The following NFU1 variants were observed in gnomAD, a reference collection of about 807,000 sequenced individuals.
NFU1 encodes the protein NFU1 iron-sulfur cluster scaffold, also known as NFU1 iron-sulfur cluster scaffold homolog, mitochondrial.
NFU1 carries 30 observed loss-of-function variants against 32.2 expected under a neutral mutation model. The observed-to-expected ratio is 0.93, with a 90% CI of 0.70 to 1.26. The LOEUF (loss-of-function observed/expected upper bound fraction) is 1.26. Among genes scored for constraint, NFU1 ranks in the 50% most tolerant of loss-of-function variants. The pLI is 0.00. For synonymous variants in NFU1, 112 were observed against 104.6 expected (o/e 1.07, Z -0.43); for missense variants, 306 against 306.6 (o/e 1.00, Z 0.02).
intron 5 of NFU1, among the ~76,000 whole-genome samples, chr2:69,411,841 C>A (rs967098219): frequency 5.9e-5 from 9 of 152,138 alleles, no homozygotes; most frequent in Non-Finnish European, 2.9e-5. Context: ...CAATCTGCTG[C>A]CTTCACCTCC....
At chr2:69,415,568 C>G (rs1673022822) in intron 4 of NFU1, among the ~76,000 whole-genome samples, 1 of 151,982 alleles carries the variant, frequency 6.6e-6, no homozygotes, top group Non-Finnish European at 1.5e-5. Flanking sequence ...TATCTTATTC[C>G]TATAATGAAA....
intron 6 of NFU1, 77 bp downstream of exon 6, chr2:69,405,945 G>A: frequency 1.1e-6 from 1 of 906,018 alleles, no homozygotes; most frequent in East Asian, 2.4e-5. Context: ...ATAATCTCAT[G>A]GCCAACTAAA....
intron 4 of NFU1, among the ~76,000 whole-genome samples, chr2:69,418,623 T>C (rs938464477): frequency 3.9e-5 from 6 of 151,994 alleles, no homozygotes; most frequent in Non-Finnish European, 7.4e-5. Context: ...CCCGCCACCA[T>C]GCCCGGCTAC....
intron 6 of NFU1, among the ~76,000 whole-genome samples, chr2:69,404,568 T>C (rs192270784): frequency 6.7e-6 from 1 of 149,104 alleles, no homozygotes; most frequent in East Asian, 2.0e-4. Context: ...TTACCTCGCA[T>C]ACTTATTTTT....
chr2:69,438,663 C>A (rs965101576), upstream of NFU1, among the ~76,000 whole-genome samples: 5 of 152,140 alleles, frequency 3.3e-5, no homozygotes, highest in Non-Finnish European at 5.9e-5. Context: ...AAACAGCACA[C>A]CTGTTGTTGA....
intron 5 of NFU1, among the ~76,000 whole-genome samples, chr2:69,412,718 C>G (rs145667313): frequency 6.6e-6 from 1 of 152,068 alleles, no homozygotes; most frequent in East Asian, 1.9e-4. Context: ...ATTAACCAGG[C>G]ATGGTGGCAG....
At chr2:69,397,775 G>A (rs936290813) in intron 7 of NFU1, among the ~76,000 whole-genome samples, 9 of 151,802 alleles carry the variant, frequency 5.9e-5, no homozygotes, top group African/African-American at 1.7e-4. Context: ...TTAGCCAGGC[G>A]TGGTGGCGCG....
At chr2:69,396,698 T>G (rs927182485) in intron 7 of NFU1, among the ~76,000 whole-genome samples, 3 of 151,972 alleles carry the variant, frequency 2.0e-5, no homozygotes, top group Non-Finnish European at 4.4e-5. Flanking sequence ...TATTTGGAAA[T>G]TAATTAAAGC....
chr2:69,436,213 C>T (rs1266470563), intron 1 of NFU1, among the ~76,000 whole-genome samples: 1 of 152,162 alleles, frequency 6.6e-6, no homozygotes, highest in African/African-American at 2.4e-5. Context: ...AGTTTCACAG[C>T]TACCTCATAA....
chr2:69,400,821 A>G (rs532527323), intron 6 of NFU1, among the ~76,000 whole-genome samples: 1 of 152,112 alleles, frequency 6.6e-6, no homozygotes, highest in Non-Finnish European at 1.5e-5. Context: ...ATGGTGGCTC[A>G]CACCTATATT....
At chr2:69,425,190 TA>T (rs904503017) in intron 2 of NFU1, among the ~76,000 whole-genome samples, 1 of 151,640 alleles carries the variant, frequency 6.6e-6, no homozygotes, top group Non-Finnish European at 1.5e-5. Flanking sequence ...AGGCTTTTTT[TA>T]AAAAAAATCT....
chr2:69,396,144 ATAT>A lies in NFU1; in HGVS notation c.*99_*101del. ...ATTTATATATCATTCTCTGAAGAGCATATTTTATTAATCTTCAAGTTCCTCAGC... is the reference window on the plus strand; with the variant it reads ...ATTTATATATCATTCTCTGAAGAGCATTTATTAATCTTCAAGTTCCTCAGC... On this transcript the variant is annotated 3_prime_UTR_variant, in exon 8 of 8. Transcript: ENST00000410022. The A allele has an allele frequency of 1.1e-6, 1 of 920,530 alleles. No homozygotes were observed. The allele number at this position is 920,530 out of a possible 1,614,324, so 57.0% of individuals were successfully genotyped here. A position where few individuals can be genotyped will look rare whatever the true frequency, so the allele number is the denominator to read the frequency against.
At chr2:69,427,164 T>A (rs1178381407) in intron 2 of NFU1, among the ~76,000 whole-genome samples, 1 of 148,020 alleles carries the variant, frequency 6.8e-6, no homozygotes. Flanking sequence ...AGCGGGTGGA[T>A]CACCTGAGGT....
chr2:69,408,725 T>TAAA (rs1672779939), intron 5 of NFU1, among the ~76,000 whole-genome samples: 1 of 130,002 alleles, frequency 7.7e-6, no homozygotes, highest in African/African-American at 2.7e-5. Flanking sequence ...CTCAAAAAAA[T>TAAA]ATAAAATTTT....
chr2:69,413,169 C>T (rs1369053325), intron 5 of NFU1, among the ~76,000 whole-genome samples: 3 of 151,704 alleles, frequency 2.0e-5, no homozygotes, highest in African/African-American at 7.3e-5. Context: ...CCTGTAATCC[C>T]AGCTATTCAG....
At chr2:69,400,033 C>T (rs1367416334) in intron 7 of NFU1, among the ~76,000 whole-genome samples, 1 of 152,160 alleles carries the variant, frequency 6.6e-6, no homozygotes, top group Non-Finnish European at 1.5e-5. Flanking sequence ...CCACCATGCC[C>T]AGCTAATTTT....
chr2:69,432,177 G>C (rs1673660834), intron 1 of NFU1, among the ~76,000 whole-genome samples, 172 bp from the exon 2 acceptor site: 1 of 152,126 alleles, frequency 6.6e-6, no homozygotes, highest in Non-Finnish European at 1.5e-5. Context: ...CACTTACTTA[G>C]GCAAGCAATA....
At chr2:69,431,802 T>C (rs1043047959) in intron 2 of NFU1, 100 bp downstream of exon 2, 30 of 798,532 alleles carry the variant, frequency 3.8e-5, no homozygotes, top group Non-Finnish European at 1.9e-5. Flanking sequence ...GGCTTCTAAA[T>C]AGAAAATATA....
rs1487701408 is a variant in NFU1, at chr2:69,434,057, A to G, written c.63-2052T>C. Among the ~76,000 whole-genome samples the G allele has an allele frequency of 2.0e-5, 3 of 151,836 alleles. 1 individual carries two copies. Among genetic ancestry groups the G allele is most frequent in the East Asian group, 1.9e-4 (1 of 5,184 alleles). On this transcript the variant is annotated intron_variant, in intron 1 of 7. Coordinates refer to ENST00000410022, the MANE Select transcript of NFU1 (RefSeq NM_001002755.4). ...TTTGGCCTCCCAAAGTGCTGGGATT[A>G]TAGGCGTGAGCCACCATGCCCTGCC... is the stretch of plus-strand genomic sequence containing the variant.
Sources: allele counts gnomAD v4.1 joint callset (sites outside exome capture counted in the v4.1 genomes callset), GRCh38; gene constraint gnomAD v4.1.1; transcripts MANE v1.5; gene names NCBI Gene and HGNC (gene_info 2026-07-23, HGNC 2026-07-21).